ASAP1: variants seen among roughly 807,000 people sequenced by gnomAD.
ASAP1 encodes arf-GAP with SH3 domain, ANK repeat and PH domain-containing protein 1.
In ASAP1, 43 loss-of-function variants were observed where a neutral mutation model predicts 145.2. The observed-to-expected ratio is 0.30, with a 90% confidence interval of 0.23 to 0.38. The LOEUF (loss-of-function observed/expected upper bound fraction) is 0.38, where lower values mean the gene tolerates loss of function less well. Ranked by LOEUF, ASAP1 falls within the 10% of genes least tolerant of loss-of-function variation. The probability of loss-of-function intolerance (pLI) is 1.00; values close to 1 mark genes in which losing one functional copy is unlikely to be tolerated. For missense variants in ASAP1, 1,018 were observed against 1,355.3 expected (o/e 0.75, Z 3.91); for synonymous variants, 546 against 515.5 (o/e 1.06, Z -0.80).
intron 3 of ASAP1, among the ~76,000 whole-genome samples, chr8:130,331,163 T>C (rs1824663802): frequency 6.6e-6 from 1 of 152,156 alleles, no homozygotes; most frequent in Non-Finnish European, 1.5e-5. Flanking sequence ...ATCTTAAGTG[T>C]TGTGGGCTCC....
intron 24 of ASAP1, among the ~76,000 whole-genome samples, chr8:130,093,531 GC>G (rs1428988767): frequency 6.6e-6 from 1 of 151,924 alleles, no homozygotes; most frequent in Admixed American, 6.6e-5. Context: ...GCCAGGTGTG[GC>G]GGTGCACGCC....
chr8:130,278,274 G>C (rs1168025323), intron 3 of ASAP1, among the ~76,000 whole-genome samples: 1 of 152,008 alleles, frequency 6.6e-6, no homozygotes, highest in African/African-American at 2.4e-5. Context: ...CTTTAGGATG[G>C]ACACGACCAA....
intron 2 of ASAP1, among the ~76,000 whole-genome samples, chr8:130,380,019 T>C (rs1349452757): frequency 6.6e-6 from 1 of 152,194 alleles, no homozygotes; most frequent in Non-Finnish European, 1.5e-5. Context: ...AGTGGGCAGC[T>C]AGCCTGCACC....
intron 5 of ASAP1, among the ~76,000 whole-genome samples, chr8:130,207,022 A>G (rs1816269569): frequency 6.6e-6 from 1 of 152,200 alleles, no homozygotes; most frequent in Non-Finnish European, 1.5e-5. Context: ...TTTCAGTACT[A>G]TACATTTAAT....
intron 13 of ASAP1, among the ~76,000 whole-genome samples, chr8:130,142,325 G>C (rs1476855948): frequency 6.6e-6 from 1 of 152,080 alleles, no homozygotes; most frequent in Non-Finnish European, 1.5e-5. Flanking sequence ...TTACAGTAAG[G>C]GTTAGAGGTC....
chr8:130,418,099 G>C (rs576430958), intron 1 of ASAP1, among the ~76,000 whole-genome samples: 2 of 152,332 alleles, frequency 1.3e-5, no homozygotes, highest in South Asian at 2.1e-4. Flanking sequence ...GAGAGGAAAG[G>C]AGATGGTGTA....
intron 2 of ASAP1, among the ~76,000 whole-genome samples, chr8:130,388,888 G>A (rs1828146201): frequency 6.6e-6 from 1 of 152,176 alleles, no homozygotes; most frequent in African/African-American, 2.4e-5. Context: ...AAAACTGCAG[G>A]CTCCAGGGCC....
intron 28 of ASAP1, among the ~76,000 whole-genome samples, chr8:130,058,642 T>C (rs2097410048): frequency 6.6e-6 from 1 of 152,218 alleles, no homozygotes; most frequent in Non-Finnish European, 1.5e-5. Flanking sequence ...TTAGTTTTGA[T>C]TTGAGCATTT....
intron 12 of ASAP1, among the ~76,000 whole-genome samples, chr8:130,154,913 T>C (rs1313876602): frequency 1.3e-5 from 2 of 152,214 alleles, no homozygotes; most frequent in Non-Finnish European, 2.9e-5. Context: ...AAATGTCTGA[T>C]TAGAGGTGGC....
chr8:130,443,024 G>A (rs1225232802), intron 1 of ASAP1, among the ~76,000 whole-genome samples: 1 of 152,136 alleles, frequency 6.6e-6, no homozygotes, highest in African/African-American at 2.4e-5. Flanking sequence ...GGTAGGGGCC[G>A]GGGGCCGCGG....
chr8:130,330,124 G>C (rs923225358), intron 3 of ASAP1, among the ~76,000 whole-genome samples: 1 of 152,162 alleles, frequency 6.6e-6, no homozygotes, highest in Non-Finnish European at 1.5e-5. Flanking sequence ...AACATAAAAG[G>C]CATTTAACAG....
chr8:130,189,834 TA>T (rs762289125), intron 5 of ASAP1, among the ~76,000 whole-genome samples: 71 of 152,244 alleles, frequency 4.7e-4, no homozygotes, highest in Admixed American at 2.6e-3. Flanking sequence ...GTTTTTTTTA[TA>T]AAAGCCATTT....
intron 1 of ASAP1, among the ~76,000 whole-genome samples, chr8:130,443,220 C>A (rs565415233): frequency 6.6e-6 from 1 of 151,776 alleles, no homozygotes; most frequent in Non-Finnish European, 1.5e-5. Context: ...AGACCTCCCC[C>A]CCCCACCGGG....
At chr8:130,424,939 G>A (rs1022355524) in intron 1 of ASAP1, among the ~76,000 whole-genome samples, 1 of 147,688 alleles carries the variant, frequency 6.8e-6, no homozygotes, top group African/African-American at 2.5e-5. Context: ...GTTGCAGTGA[G>A]CCGAGATCTC....
chr8:130,393,884 TTACTG>T (rs1267004175), intron 2 of ASAP1, among the ~76,000 whole-genome samples: 1 of 152,222 alleles, frequency 6.6e-6, no homozygotes, highest in African/African-American at 2.4e-5. Flanking sequence ...ACATCTGTCT[TTACTG>T]TAATCTCTGA....
chr8:130,054,656 A>G lies in ASAP1; in HGVS notation c.*75T>C. On this transcript the variant is annotated 3_prime_UTR_variant, in exon 30 of 30. Transcript: ENST00000518721. ...TTACTCTGTAACAGCAGCTATATAC[A>G]CACTGTGCCCAGGGTTACATGAAGG... 3.8e-6 allele frequency: 5 copies of G among 1,307,110 alleles called. No homozygotes were observed. The highest frequency in any genetic ancestry group is 5.5e-6 in the Non-Finnish European group (5 of 902,992). 81.0% of individuals were successfully genotyped at this position (1,307,110 alleles called of 1,614,324 possible).
intron 3 of ASAP1, among the ~76,000 whole-genome samples, chr8:130,318,642 C>T (rs970687974): frequency 6.6e-6 from 1 of 152,170 alleles, no homozygotes; most frequent in African/African-American, 2.4e-5. Context: ...CTGGTTAATC[C>T]CCCTCATAGC....
chr8:130,234,422 C>T (rs956548703), intron 4 of ASAP1, among the ~76,000 whole-genome samples: 1 of 152,030 alleles, frequency 6.6e-6, no homozygotes, highest in African/African-American at 2.4e-5. Flanking sequence ...TAAGCTGTAC[C>T]ACCCCCATCC....
intron 13 of ASAP1, among the ~76,000 whole-genome samples, chr8:130,138,016 C>T (rs189151412): frequency 1.1e-3 from 170 of 152,260 alleles, no homozygotes; most frequent in African/African-American, 3.9e-3. Context: ...ATCCCTGTTT[C>T]GATTGAGAGC....
Sources: allele counts gnomAD v4.1 joint callset (sites outside exome capture counted in the v4.1 genomes callset), GRCh38; gene constraint gnomAD v4.1.1; transcripts MANE v1.5; gene names NCBI Gene and HGNC (gene_info 2026-07-23, HGNC 2026-07-21).